The following FHIT variants were observed in gnomAD, a reference collection of about 807,000 sequenced individuals.
FHIT encodes the protein bis(5'-adenosyl)-triphosphatase.
A neutral mutation model predicts 17.9 loss-of-function variants in FHIT; 19 were observed. The ratio of observed to expected loss-of-function variants is 1.06; its 90% CI spans 0.74 to 1.56. FHIT has a LOEUF of 1.56. FHIT is among the 40% of genes most tolerant of loss of function. The pLI, the probability that FHIT is intolerant of heterozygous loss-of-function variation, is 0.00. For synonymous variants in FHIT, 81 were observed against 69.7 expected (o/e 1.16, Z -0.81); for missense variants, 248 against 189.2 (o/e 1.31, Z -1.82).
chr3:60,311,894 A>C (rs1708964824), intron 5 of FHIT, among the ~76,000 whole-genome samples: 1 of 152,232 alleles, frequency 6.6e-6, no homozygotes, highest in Non-Finnish European at 1.5e-5. Context: ...TCCAACCCAC[A>C]CATTTTTACA....
intron 7 of FHIT, among the ~76,000 whole-genome samples, chr3:59,948,974 G>T (rs1380835120): frequency 6.6e-6 from 1 of 152,084 alleles, no homozygotes; most frequent in Admixed American, 6.5e-5. Flanking sequence ...TTTGGGGGAT[G>T]AATGATCCTG....
At chr3:60,283,128 C>T (rs1233773092) in intron 5 of FHIT, among the ~76,000 whole-genome samples, 1 of 151,956 alleles carries the variant, frequency 6.6e-6, no homozygotes, top group Non-Finnish European at 1.5e-5. Context: ...TCTCCAGTAA[C>T]AAAGAAATAA....
chr3:61,246,120 G>A (rs2106945190), intron 1 of FHIT, among the ~76,000 whole-genome samples: 1 of 152,316 alleles, frequency 6.6e-6, no homozygotes, highest in South Asian at 2.1e-4. Context: ...GGCAATGTCA[G>A]AAAGTTACCC....
chr3:60,183,554 T>C (rs1386259711), intron 5 of FHIT, among the ~76,000 whole-genome samples: 1 of 152,174 alleles, frequency 6.6e-6, no homozygotes, highest in African/African-American at 2.4e-5. Flanking sequence ...CTCCACAGAC[T>C]TGACCAGAGG....
chr3:60,564,895 T>C (rs975638255), intron 4 of FHIT, among the ~76,000 whole-genome samples: 1 of 152,206 alleles, frequency 6.6e-6, no homozygotes, highest in Admixed American at 6.5e-5. Flanking sequence ...ACTCTAATTT[T>C]AAAATAAGTT....
At chr3:60,857,691 T>G (rs1464682425) in intron 3 of FHIT, among the ~76,000 whole-genome samples, 1 of 152,194 alleles carries the variant, frequency 6.6e-6, no homozygotes, top group Non-Finnish European at 1.5e-5. Context: ...AACTTTGGGA[T>G]GCCAAAGTGG....
intron 5 of FHIT, among the ~76,000 whole-genome samples, chr3:60,023,210 A>C (rs1700615298): frequency 6.6e-6 from 1 of 152,258 alleles, no homozygotes; most frequent in Non-Finnish European, 1.5e-5. Flanking sequence ...CTTTGCTATG[A>C]GAATCATTTC....
intron 5 of FHIT, among the ~76,000 whole-genome samples, chr3:60,222,510 G>A (rs1405066180): frequency 1.3e-5 from 2 of 152,144 alleles, no homozygotes; most frequent in Non-Finnish European, 2.9e-5. Context: ...AATGGCAAAG[G>A]CCAGGCAGGG....
intron 4 of FHIT, among the ~76,000 whole-genome samples, chr3:60,610,276 C>A (rs1559579451): frequency 6.6e-6 from 1 of 152,114 alleles, no homozygotes. Context: ...GCCAAACAAT[C>A]TTGTGATTGA....
intron 2 of FHIT, among the ~76,000 whole-genome samples, chr3:61,186,075 T>C (rs1229403240): frequency 6.6e-6 from 1 of 152,216 alleles, no homozygotes; most frequent in Non-Finnish European, 1.5e-5. Flanking sequence ...ACATTCAATT[T>C]TGTTATTATC....
At chr3:60,097,427 G>C (rs1032039314) in intron 5 of FHIT, among the ~76,000 whole-genome samples, 18 of 152,216 alleles carry the variant, frequency 1.2e-4, no homozygotes, top group African/African-American at 4.3e-4. Context: ...TCTAGTCCCA[G>C]TTTTCCAAGA....
In FHIT at chr3:60,690,941, G is replaced by C. The variant is rs2040973690; in HGVS notation, c.-18+130978C>G. Among the ~76,000 whole-genome samples the C allele has an allele frequency of 2.7e-5, 4 of 150,750 alleles. No individual in the cohort carries two copies. The South Asian group carries it at 8.4e-4, about 32-fold the overall frequency. On this transcript the variant is annotated intron_variant, in intron 4 of 9. Coordinates refer to ENST00000492590, the MANE Select transcript of FHIT (RefSeq NM_002012.4). ...TTATAGCAATATTTTGTACCATATA[G>C]TGTGGCCAAAAAAAAAATATCTGAT...
At chr3:59,755,649 C>A (rs1385716) in intron 8 of FHIT, among the ~76,000 whole-genome samples, 32,244 of 152,080 alleles carry the variant, frequency 0.21, 3,710 homozygotes, top group South Asian at 0.35. Flanking sequence ...AGGGGCCAGA[C>A]CTAGCACTGG....
chr3:59,982,893 TAG>T (rs1708716518), intron 7 of FHIT, among the ~76,000 whole-genome samples: 1 of 152,138 alleles, frequency 6.6e-6, no homozygotes, highest in African/African-American at 2.4e-5. Flanking sequence ...ATTTGTAAAT[TAG>T]AGATTCTAGC....
chr3:59,865,853 T>G (rs1031262378), intron 8 of FHIT, among the ~76,000 whole-genome samples: 2 of 151,872 alleles, frequency 1.3e-5, no homozygotes, highest in African/African-American at 4.8e-5. Context: ...GAGTGGGGAG[T>G]GAGAGCCTGA....
intron 3 of FHIT, among the ~76,000 whole-genome samples, chr3:61,003,498 C>T (rs6804627): frequency 0.87 from 132,202 of 152,260 alleles, 57,638 homozygotes; most frequent in Middle Eastern, 0.93. Context: ...CTAATATTCA[C>T]TTATAATGTC....
intron 5 of FHIT, among the ~76,000 whole-genome samples, chr3:60,328,241 T>G (rs1157266893): frequency 6.6e-6 from 1 of 152,026 alleles, no homozygotes; most frequent in East Asian, 1.9e-4. Context: ...TAGATGAGAG[T>G]GGCAGACTGA....
In FHIT at chr3:60,349,550, A is replaced by T. The variant is rs557791589; in HGVS notation, c.103+187310T>A. On this transcript the variant is annotated intron_variant, in intron 5 of 9. Transcript: ENST00000492590. ...TTTTTTAAATATATAATTGATAAGC[A>T]AACATATTCCAAAAGATTCATTGTA... Among the ~76,000 whole-genome samples the T allele has an allele frequency of 1.1e-3, 175 of 152,302 alleles. 5 individuals are homozygous for T. Among genetic ancestry groups the T allele is most frequent in the Admixed American group, 1.1e-3 (17 of 15,298 alleles).
chr3:61,173,909 T>C (rs537206574), intron 2 of FHIT, among the ~76,000 whole-genome samples: 46 of 152,368 alleles, frequency 3.0e-4, no homozygotes, highest in African/African-American at 1.1e-3. Context: ...GTTATCACTC[T>C]ATGCCCTCTG....
Sources: gnomAD v4.1 joint callset for allele counts (sites outside exome capture counted in the v4.1 genomes callset) on GRCh38, gnomAD v4.1.1 for gene constraint, MANE v1.5 for transcripts, NCBI Gene and HGNC (gene_info 2026-07-23, HGNC 2026-07-21) for gene names.